LRRC37A3: variants seen among roughly 807,000 people sequenced by gnomAD.
LRRC37A3 encodes leucine-rich repeat-containing protein 37A3.
A neutral mutation model predicts 106.2 loss-of-function variants in LRRC37A3; 25 were observed. That is an observed-to-expected ratio of 0.24 (90% CI 0.17 to 0.33). The LOEUF (loss-of-function observed/expected upper bound fraction) is 0.33, where lower values mean the gene tolerates loss of function less well. Among genes scored for constraint, LRRC37A3 ranks in the 10% least tolerant of loss-of-function variants. The probability of loss-of-function intolerance (pLI) is 1.00; values close to 1 mark genes in which losing one functional copy is unlikely to be tolerated. For missense variants in LRRC37A3, 712 were observed against 1,644.9 expected (o/e 0.43, Z 9.81); for synonymous variants, 305 against 635.8 (o/e 0.48, Z 7.83).
chr17:64,872,422 G>A (rs1363759125), intron 8 of LRRC37A3, among the ~76,000 whole-genome samples: 1 of 152,114 alleles, frequency 6.6e-6, no homozygotes, highest in African/African-American at 2.4e-5. Context: ...AGAGGGAGCA[G>A]AATGGAGATG....
chr17:64,876,562 T>C (rs1380897920), intron 8 of LRRC37A3, among the ~76,000 whole-genome samples: 1 of 152,132 alleles, frequency 6.6e-6, no homozygotes, highest in African/African-American at 2.4e-5. Context: ...AAAAGGATTA[T>C]AATATGAATA....
chr17:64,878,292 CAT>C (rs1221102766), intron 8 of LRRC37A3, among the ~76,000 whole-genome samples: 11 of 152,226 alleles, frequency 7.2e-5, no homozygotes, highest in South Asian at 2.1e-4. Flanking sequence ...TATACACACA[CAT>C]GACACCAAAA....
chr17:64,912,777 G>A (rs1441640434), intron 2 of LRRC37A3, among the ~76,000 whole-genome samples: 1 of 64,554 alleles, frequency 1.5e-5, no homozygotes, highest in East Asian at 3.8e-4. Context: ...GCCAAGTATG[G>A]TGGCTCACGC....
At position 64,860,209 on chromosome 17, in the gene LRRC37A3, G is replaced by A. The variant is rs139741056; in HGVS notation, c.3937C>T (p.Arg1313Cys). Residue 1313 changes from arginine (R) to cysteine (C), a missense_variant, in exon 12 of 15, where the codon CGC (arginine) becomes TGC (cysteine). Coordinates refer to ENST00000584306, the MANE Select transcript of LRRC37A3 (RefSeq NM_199340.5). ...ACCTTGGGTGTTCTGTGGGTCATGCGGGAGCGAGTTTTGTGAAAGCGGTAT... is the reference window on the plus strand; with the variant it reads ...ACCTTGGGTGTTCTGTGGGTCATGCAGGAGCGAGTTTTGTGAAAGCGGTAT... ...KKYRFHKTRS[R>C]MTHRTPKVKK... The A allele has an allele frequency of 4.8e-5, 78 of 1,613,844 alleles. 1 individual carries two copies. The highest frequency in any genetic ancestry group is 3.2e-4 in the Admixed American group (19 of 59,984).
Position 64,860,804 on chromosome 17 carries a change from A to G in LRRC37A3, c.3342T>C (p.Ser1114=), listed in dbSNP as rs200339989. The part of the protein sequence containing the change: ...GSEQLDTNDE[S]DVTSTLSYIL... Reference sequence around the variant, plus strand: ...TGTAACTTAGTGTACTGGTAACATCACTCTCGTCATTGGTGTCTAGCTGCT... The same window carrying G: ...TGTAACTTAGTGTACTGGTAACATCGCTCTCGTCATTGGTGTCTAGCTGCT... The change falls in exon 12 of 15, where the codon AGT becomes AGC. Residue 1114 remains serine (S), a synonymous_variant. Coordinates refer to ENST00000584306, the MANE Select transcript of LRRC37A3 (RefSeq NM_199340.5). The G allele has an allele frequency of 8.1e-5, 131 of 1,614,034 alleles. No individual in the cohort carries two copies. The highest frequency in any genetic ancestry group is 7.7e-4 in the Admixed American group (46 of 60,008).
rs371157385 is a variant in LRRC37A3 at position 64,860,315 on chromosome 17, G to T, written c.3831C>A (p.His1277Gln). 4 of 1,613,842 alleles carry T rather than the reference G, an allele frequency of 2.5e-6. No homozygotes were observed. Among genetic ancestry groups the T allele is most frequent in the Admixed American group, 3.3e-5 (2 of 59,996 alleles). Residue 1277 changes from histidine (H) to glutamine (Q), a missense_variant, in exon 12 of 15, where the codon CAC becomes CAA. Physicochemically the swap from His to Gln is conservative, Grantham distance 24 (BLOSUM62 0). Coordinates refer to ENST00000584306, the MANE Select transcript of LRRC37A3 (RefSeq NM_199340.5). ...QVRDRWKDLT[H>Q]AISILESAKA... Reference sequence around the variant, plus strand: ...TTGCACTTTCTAAAATGGAAATAGCGTGGGTTAAGTCTTTCCATCTGTCTC... The same window carrying T: ...TTGCACTTTCTAAAATGGAAATAGCTTGGGTTAAGTCTTTCCATCTGTCTC...
intron 2 of LRRC37A3, among the ~76,000 whole-genome samples, chr17:64,913,337 G>GT (rs945846426): frequency 0.053 from 5,475 of 103,720 alleles, 98 homozygotes; most frequent in Non-Finnish European, 0.082. Flanking sequence ...CCTATTTTGG[G>GT]TTTTTTTTTT....
chr17:64,866,606 ATATATATATATATATATATATATTT>A (rs1342843399), intron 10 of LRRC37A3, among the ~76,000 whole-genome samples: 4 of 18,058 alleles, frequency 2.2e-4, no homozygotes, highest in African/African-American at 3.8e-4. Context: ...ATATATATAT[ATATATATATATATATATATATATTT>A]TTTTTTTTTT....
At chr17:64,874,411 C>G (rs1211257491) in intron 8 of LRRC37A3, among the ~76,000 whole-genome samples, 1 of 150,968 alleles carries the variant, frequency 6.6e-6, no homozygotes, top group African/African-American at 2.4e-5. Context: ...CTCCGCCCGG[C>G]AGTCGCCCCG....
At chr17:64,901,347 A>G (rs1974304311) in intron 2 of LRRC37A3, 1 of 150,596 alleles carries the variant, frequency 6.6e-6, no homozygotes, top group South Asian at 2.1e-4. Flanking sequence ...TTCAAATCCA[A>G]AATAGAGACC....
chr17:64,910,091 C>T (rs926177331), intron 2 of LRRC37A3: 11 of 152,300 alleles, frequency 7.2e-5, no homozygotes, highest in African/African-American at 2.4e-4. Context: ...GTCAACGGCA[C>T]TCATCATACC....
intron 13 of LRRC37A3, among the ~76,000 whole-genome samples, chr17:64,856,580 T>C (rs1972686049): frequency 6.6e-6 from 1 of 151,812 alleles, no homozygotes; most frequent in Non-Finnish European, 1.5e-5. Flanking sequence ...TTGTTTTTTT[T>C]TTCTTCAAAT....
At chr17:64,916,613 T>TAA (rs3972255) in intron 2 of LRRC37A3, among the ~76,000 whole-genome samples, 16 of 96,872 alleles carry the variant, frequency 1.7e-4, no homozygotes, top group African/African-American at 3.6e-4. Context: ...CCATCTCTAT[T>TAA]AAAAAAAAAA....
chr17:64,869,307 T>G, intron 8 of LRRC37A3, 141 bp from the exon 9 acceptor site: 1 of 1,385,726 alleles, frequency 7.2e-7, no homozygotes, highest in East Asian at 2.4e-5. Context: ...AAATCACCAT[T>G]AGACTCCGTA....
Position 64,919,445 on chromosome 17 carries a change from A to G in LRRC37A3, c.-631T>C, listed in dbSNP as rs1005658540. 5 of 479,718 alleles carry G rather than the reference A, an allele frequency of 1.0e-5. No individual in the cohort carries two copies. The highest frequency in any genetic ancestry group is 8.3e-5 in the African/African-American group (4 of 47,944). 29.7% of individuals were successfully genotyped at this position (479,718 alleles called of 1,614,324 possible). The stretch of plus-strand genomic sequence containing the variant: ...TGGGGCCTCACTGCGGATCGCCTTC[A>G]GCCGCCATCTTGTTTCTTCCGTTAC... On this transcript the variant is annotated 5_prime_UTR_variant, in exon 1 of 15. Transcript: ENST00000584306.
intron 10 of LRRC37A3, among the ~76,000 whole-genome samples, chr17:64,864,045 T>G (rs1972975277): frequency 6.6e-6 from 1 of 150,448 alleles, no homozygotes; most frequent in Non-Finnish European, 1.5e-5. Flanking sequence ...CTCAGGCTGG[T>G]GTAGAACTCC....
At chr17:64,857,310 C>A (rs1439028695) in intron 13 of LRRC37A3, among the ~76,000 whole-genome samples, 1 of 152,142 alleles carries the variant, frequency 6.6e-6, no homozygotes, top group Non-Finnish European at 1.5e-5. Flanking sequence ...ATACAAAGAT[C>A]TTTTATCTAA....
At chr17:64,868,942 T>G (rs934914223) in intron 9 of LRRC37A3, among the ~76,000 whole-genome samples, 153 bp downstream of exon 9, 1 of 152,250 alleles carries the variant, frequency 6.6e-6, no homozygotes, top group African/African-American at 2.4e-5. Context: ...ATACATCCTC[T>G]TAATTTTTTT....
At chr17:64,865,662 A>G (rs989570130) in intron 10 of LRRC37A3, among the ~76,000 whole-genome samples, 3 of 152,110 alleles carry the variant, frequency 2.0e-5, no homozygotes, top group Admixed American at 6.5e-5. Context: ...AGACATAATG[A>G]CCCTTCACCA....
Sources: gnomAD v4.1 joint callset for allele counts (sites outside exome capture counted in the v4.1 genomes callset) on GRCh38, gnomAD v4.1.1 for gene constraint, MANE v1.5 for transcripts, NCBI Gene and HGNC (gene_info 2026-07-23, HGNC 2026-07-21) for gene names.